Variants in FSTL5 observed in about 807,000 individuals in gnomAD.
FSTL5 encodes the protein follistatin-related protein 5.
Under a neutral mutation model 89.1 loss-of-function variants are expected in FSTL5, and 62 were observed. The ratio of observed to expected loss-of-function variants is 0.70; its 90% CI spans 0.57 to 0.86. FSTL5 has a LOEUF of 0.86. Ranked by LOEUF, FSTL5 falls within the 40% of genes least tolerant of loss-of-function variation. FSTL5 has a pLI of 0.00. For missense variants in FSTL5, 1,057 were observed against 1,001.6 expected, an observed-to-expected ratio of 1.06 and a Z score of -0.75; for synonymous variants, 383 against 346.2, an observed-to-expected ratio of 1.11 and a Z score of -1.18.
At chr4:161,436,257 A>G (rs1173075952) in intron 15 of FSTL5, among the ~76,000 whole-genome samples, 22 of 152,208 alleles carry the variant, frequency 1.4e-4, no homozygotes, top group Admixed American at 1.4e-3. Flanking sequence ...TAGCCTTTAA[A>G]TAGGATAAAA....
chr4:161,436,890 C>A (rs75270464), intron 15 of FSTL5, among the ~76,000 whole-genome samples: 2,356 of 152,204 alleles, frequency 0.015, 64 homozygotes, highest in African/African-American at 0.053. Context: ...GTAACTTCTA[C>A]GAGTATATTC....
chr4:161,721,102 C>A (rs924966509), intron 6 of FSTL5, among the ~76,000 whole-genome samples: 3 of 151,220 alleles, frequency 2.0e-5, no homozygotes, highest in African/African-American at 7.3e-5. Context: ...CAAGGTGAAA[C>A]CCCGTCTCTA....
chr4:162,001,925 A>G (rs1736476352), intron 3 of FSTL5, among the ~76,000 whole-genome samples: 1 of 152,168 alleles, frequency 6.6e-6, no homozygotes, highest in Non-Finnish European at 1.5e-5. Flanking sequence ...TCAAAGAGTT[A>G]TACAGAGAAA....
intron 3 of FSTL5, chr4:162,022,815 G>A (rs1322771868): frequency 1.3e-5 from 2 of 152,078 alleles, no homozygotes; most frequent in African/African-American, 4.8e-5. Flanking sequence ...AATGAAACAA[G>A]CCAAGCAAAG....
intron 6 of FSTL5, among the ~76,000 whole-genome samples, chr4:161,694,884 G>T (rs1579027651): frequency 9.0e-6 from 1 of 111,466 alleles, no homozygotes. Flanking sequence ...AGTATTCCCT[G>T]TCACATGTAA....
intron 1 of FSTL5, among the ~76,000 whole-genome samples, chr4:162,128,665 C>A (rs1732176558): frequency 6.6e-6 from 1 of 152,084 alleles, no homozygotes; most frequent in Non-Finnish European, 1.5e-5. Context: ...ATAACTCCAC[C>A]TGATTATTCC....
At chr4:161,439,313 A>G (rs2126363138) in intron 15 of FSTL5, among the ~76,000 whole-genome samples, 1 of 152,306 alleles carries the variant, frequency 6.6e-6, no homozygotes, top group African/African-American at 2.4e-5. Context: ...TCGAGTGTGT[A>G]TGTTTGGTGT....
intron 3 of FSTL5, among the ~76,000 whole-genome samples, chr4:161,939,110 T>C (rs1360328441): frequency 6.6e-6 from 1 of 151,938 alleles, no homozygotes; most frequent in East Asian, 1.9e-4. Context: ...ATCCAAGAAA[T>C]GCAAAGGATG....
At chr4:161,606,310 C>G (rs1734437941) in intron 7 of FSTL5, among the ~76,000 whole-genome samples, 2 of 145,986 alleles carry the variant, frequency 1.4e-5, no homozygotes, top group Admixed American at 1.4e-4. Flanking sequence ...GTGGCGCGAT[C>G]CCGGCTCACT....
intron 5 of FSTL5, among the ~76,000 whole-genome samples, chr4:161,761,296 A>G (rs926528282): frequency 6.6e-6 from 1 of 152,214 alleles, no homozygotes; most frequent in African/African-American, 2.4e-5. Flanking sequence ...TTAGAAAGCA[A>G]CAGAGCTCTC....
chr4:162,132,282 G>A lies in FSTL5; in HGVS notation c.-16-20870C>T, dbSNP rs534162320. On this transcript the variant is annotated intron_variant, in intron 1 of 15. Transcript: ENST00000306100. ...CCAGAAAACAATTGTAGGCACTACA[G>A]TGCTCCATCAGAGGCAAAATATGGC... is the stretch of plus-strand genomic sequence containing the variant. Among the ~76,000 whole-genome samples the A allele has an allele frequency of 8.5e-5, 13 of 152,312 alleles. No homozygotes were observed. In the South Asian group the frequency reaches 2.3e-3, roughly 27 times the overall value.
At chr4:161,985,793 A>G (rs1049661961) in intron 3 of FSTL5, among the ~76,000 whole-genome samples, 3 of 151,988 alleles carry the variant, frequency 2.0e-5, no homozygotes, top group Admixed American at 6.6e-5. Context: ...ATTTACATAC[A>G]TATATATTTA....
At chr4:161,409,132 A>T (rs982437710) in intron 15 of FSTL5, among the ~76,000 whole-genome samples, 23 of 152,296 alleles carry the variant, frequency 1.5e-4, no homozygotes, top group Admixed American at 4.6e-4. Flanking sequence ...AGGTCAATGC[A>T]AAAGAAAAAA....
At chr4:161,762,053 A>G (rs1296013748) in intron 5 of FSTL5, among the ~76,000 whole-genome samples, 1 of 152,162 alleles carries the variant, frequency 6.6e-6, no homozygotes, top group Non-Finnish European at 1.5e-5. Context: ...GGTATGATTG[A>G]TATAAAAATG....
chr4:161,926,403 T>G (rs2314275), intron 3 of FSTL5, among the ~76,000 whole-genome samples: 53,537 of 96,494 alleles, frequency 0.55, 9,859 homozygotes, highest in South Asian at 0.61. Context: ...GGTTTTTTTT[T>G]TTTGTTTTGT....
intron 2 of FSTL5, among the ~76,000 whole-genome samples, chr4:162,064,348 C>T (rs1438100383): frequency 6.6e-6 from 1 of 152,006 alleles, no homozygotes; most frequent in Non-Finnish European, 1.5e-5. Flanking sequence ...TTTTATGCAT[C>T]AGCTTGACTG....
At chr4:161,801,061 A>G (rs115430239) in intron 4 of FSTL5, among the ~76,000 whole-genome samples, 45 of 151,750 alleles carry the variant, frequency 3.0e-4, no homozygotes, top group Non-Finnish European at 4.1e-4. Flanking sequence ...GGTTAGTATT[A>G]GACGGTGAAA....
At chr4:161,605,859 A>AT (rs778081767) in intron 7 of FSTL5, among the ~76,000 whole-genome samples, 2 of 151,148 alleles carry the variant, frequency 1.3e-5, no homozygotes, top group Non-Finnish European at 2.9e-5. Flanking sequence ...CTGGTCTTCT[A>AT]TTTTTTTGAC....
intron 15 of FSTL5, among the ~76,000 whole-genome samples, chr4:161,412,558 G>C (rs1158384048): frequency 1.3e-5 from 2 of 152,096 alleles, no homozygotes; most frequent in African/African-American, 4.8e-5. Flanking sequence ...TAAATGATGA[G>C]TTAATGGGTG....
Sources: allele counts gnomAD v4.1 joint callset (sites outside exome capture counted in the v4.1 genomes callset), GRCh38; gene constraint gnomAD v4.1.1; transcripts MANE v1.5; gene names NCBI Gene and HGNC (gene_info 2026-07-23, HGNC 2026-07-21).